MSH3: variants seen among roughly 807,000 people sequenced by gnomAD.
MSH3 encodes the protein DNA mismatch repair protein Msh3.
In MSH3, 106 loss-of-function variants were observed where a neutral mutation model predicts 123.3. The observed-to-expected ratio is 0.86, with a 90% CI of 0.73 to 1.01. MSH3 has a LOEUF of 1.01. Among genes scored for constraint, MSH3 ranks in the 50% least tolerant of loss-of-function variants. The pLI is 0.00. For synonymous variants in MSH3, 515 were observed against 481.4 expected (o/e 1.07, Z -0.91); for missense variants, 1,459 against 1,347.6 (o/e 1.08, Z -1.29).
At chr5:80,873,331 T>C (rs1450956780) in intron 23 of MSH3, 44 bp downstream of exon 23, 2 of 1,600,064 alleles carry the variant, frequency 1.2e-6, no homozygotes, top group Non-Finnish European at 1.7e-6. Flanking sequence ...AATGAAACCT[T>C]CTAAGTTGTC....
chr5:80,753,482 G>GT (rs1361796288), intron 12 of MSH3, among the ~76,000 whole-genome samples: 1 of 152,086 alleles, frequency 6.6e-6, no homozygotes, highest in Non-Finnish European at 1.5e-5. Context: ...ATTGAGGAAT[G>GT]TTTTTTTGTG....
chr5:80,680,627 C>A (rs836804), intron 8 of MSH3, among the ~76,000 whole-genome samples: 38,010 of 150,772 alleles, frequency 0.25, 4,889 homozygotes, highest in Middle Eastern at 0.32. Flanking sequence ...TATTGCAGAA[C>A]ATTTCAAACA....
At chr5:80,859,015 T>G (rs1561501649) in intron 21 of MSH3, among the ~76,000 whole-genome samples, 1 of 152,188 alleles carries the variant, frequency 6.6e-6, no homozygotes, top group Non-Finnish European at 1.5e-5. Flanking sequence ...ATTTACTTGA[T>G]CTGAAGTCTG....
chr5:80,763,918 G>A (rs902420630), intron 13 of MSH3, among the ~76,000 whole-genome samples: 14 of 152,168 alleles, frequency 9.2e-5, no homozygotes, highest in African/African-American at 3.4e-4. Flanking sequence ...GTTTACTAAC[G>A]GAACTTATAA....
intron 4 of MSH3, among the ~76,000 whole-genome samples, chr5:80,671,986 T>G (rs1199753056): frequency 6.6e-6 from 1 of 151,754 alleles, no homozygotes; most frequent in Non-Finnish European, 1.5e-5. Context: ...GTAGAAGACC[T>G]GTCATATTTT....
intron 8 of MSH3, among the ~76,000 whole-genome samples, chr5:80,713,528 C>T (rs765698249): frequency 5.9e-5 from 9 of 152,172 alleles, no homozygotes; most frequent in Non-Finnish European, 1.0e-4. Flanking sequence ...TCTGTTCATG[C>T]TCCTCTCCAT....
At chr5:80,682,542 A>G (rs1158417169) in intron 8 of MSH3, among the ~76,000 whole-genome samples, 1 of 152,056 alleles carries the variant, frequency 6.6e-6, no homozygotes, top group Non-Finnish European at 1.5e-5. Context: ...ACATGGTGAA[A>G]CCCCATCTCT....
chr5:80,735,977 C>T (rs1580593868), intron 10 of MSH3, among the ~76,000 whole-genome samples: 1 of 152,126 alleles, frequency 6.6e-6, no homozygotes, highest in African/African-American at 2.4e-5. Context: ...GTAATCCCAA[C>T]ACTTGTGGGA....
intron 19 of MSH3, among the ~76,000 whole-genome samples, chr5:80,809,975 C>A (rs1744976987): frequency 6.6e-6 from 1 of 151,810 alleles, no homozygotes; most frequent in Non-Finnish European, 1.5e-5. Flanking sequence ...ACCCATCACA[C>A]AAATGTCGTA....
chr5:80,806,753 G>T (rs1744898430), intron 19 of MSH3, among the ~76,000 whole-genome samples: 1 of 152,082 alleles, frequency 6.6e-6, no homozygotes, highest in African/African-American at 2.4e-5. Flanking sequence ...TTAATTGGGG[G>T]AAAAAAATTG....
At chr5:80,794,297 T>G (rs2112028668) in intron 19 of MSH3, among the ~76,000 whole-genome samples, 1 of 152,308 alleles carries the variant, frequency 6.6e-6, no homozygotes, top group South Asian at 2.1e-4. Flanking sequence ...GCAGATACTT[T>G]TAGTGGGGCT....
chr5:80,688,988 C>T (rs1750165221), intron 8 of MSH3, among the ~76,000 whole-genome samples: 1 of 151,960 alleles, frequency 6.6e-6, no homozygotes. Flanking sequence ...AATGGCATAC[C>T]AAACAGTGGG....
At chr5:80,762,286 ATAAAC>A (rs1292874187) in intron 13 of MSH3, among the ~76,000 whole-genome samples, 1 of 152,090 alleles carries the variant, frequency 6.6e-6, no homozygotes, top group Non-Finnish European at 1.5e-5. Flanking sequence ...ATAAAACACT[ATAAAC>A]TATGGTGTTT....
chr5:80,796,536 T>G (rs1744702206), intron 19 of MSH3, among the ~76,000 whole-genome samples: 2 of 152,286 alleles, frequency 1.3e-5, no homozygotes, highest in African/African-American at 4.8e-5. Flanking sequence ...TACGTAAAAT[T>G]CAATTTAAAA....
chr5:80,712,902 C>T (rs1750886582), intron 8 of MSH3, among the ~76,000 whole-genome samples: 1 of 151,978 alleles, frequency 6.6e-6, no homozygotes, highest in Non-Finnish European at 1.5e-5. Context: ...CATAGTAATT[C>T]TAATATGGAG....
intron 20 of MSH3, among the ~76,000 whole-genome samples, chr5:80,819,202 G>A (rs1745157752): frequency 6.6e-6 from 1 of 151,884 alleles, no homozygotes; most frequent in African/African-American, 2.4e-5. Flanking sequence ...TTACATTTCT[G>A]TGTCATCAGT....
intron 8 of MSH3, among the ~76,000 whole-genome samples, chr5:80,687,878 G>T (rs552120691): frequency 6.6e-6 from 1 of 152,238 alleles, no homozygotes; most frequent in Admixed American, 6.5e-5. Context: ...GGAAAAAGCG[G>T]ATACAGAGAA....
intron 20 of MSH3, among the ~76,000 whole-genome samples, chr5:80,814,652 A>G (rs565941205): frequency 2.0e-5 from 3 of 152,358 alleles, no homozygotes; most frequent in Admixed American, 6.5e-5. Context: ...CTTCTGGGGT[A>G]GAAGGCTTGG....
intron 12 of MSH3, among the ~76,000 whole-genome samples, chr5:80,750,536 G>A (rs945034593): frequency 7.6e-6 from 1 of 132,346 alleles, no homozygotes; most frequent in Non-Finnish European, 1.7e-5. Context: ...TTTGGGAATC[G>A]TCTATTCAGA....
Sources: gnomAD v4.1 joint callset for allele counts (sites outside exome capture counted in the v4.1 genomes callset) on GRCh38, gnomAD v4.1.1 for gene constraint, MANE v1.5 for transcripts, NCBI Gene and HGNC (gene_info 2026-07-23, HGNC 2026-07-21) for gene names.